The following LRP1B variants were observed in gnomAD, a reference collection of about 807,000 sequenced individuals.
The protein encoded by LRP1B is low-density lipoprotein receptor-related protein 1B.
In LRP1B, 217 loss-of-function variants were observed where a neutral mutation model predicts 556.6. The ratio of observed to expected loss-of-function variants is 0.39; its 90% CI spans 0.35 to 0.44. The LOEUF (loss-of-function observed/expected upper bound fraction) is 0.44, where lower values mean the gene tolerates loss of function less well. LRP1B is among the 20% of genes least tolerant of loss of function. The pLI, the probability that LRP1B is intolerant of heterozygous loss-of-function variation, is 1.00. For synonymous variants in LRP1B, 2,047 were observed against 1,865.8 expected (o/e 1.10, Z -2.50); for missense variants, 5,053 against 5,620.8 (o/e 0.90, Z 3.23).
intron 49 of LRP1B, among the ~76,000 whole-genome samples, chr2:140,525,359 T>A (rs990938315): frequency 1.5e-4 from 23 of 151,906 alleles, no homozygotes; most frequent in African/African-American, 5.6e-4. Context: ...TGGTTAACAG[T>A]CAGATATAAA....
intron 47 of LRP1B, among the ~76,000 whole-genome samples, chr2:140,532,375 T>TTTTG (rs1458642511): frequency 1.3e-4 from 20 of 150,902 alleles, no homozygotes; most frequent in Non-Finnish European, 2.1e-4. Context: ...CTTCTCTGTT[T>TTTTG]TTTGTTTGTT....
At chr2:141,535,261 A>G (rs1435654375) in intron 2 of LRP1B, among the ~76,000 whole-genome samples, 2 of 152,176 alleles carry the variant, frequency 1.3e-5, no homozygotes, top group African/African-American at 4.8e-5. Flanking sequence ...ATCTTCTGGA[A>G]GCAATCTATT....
intron 2 of LRP1B, among the ~76,000 whole-genome samples, chr2:141,647,018 C>T (rs895940967): frequency 6.6e-6 from 1 of 152,018 alleles, no homozygotes; most frequent in African/African-American, 2.4e-5. Context: ...CCTCCCCTTG[C>T]TATGGCTGGT....
At position 140,730,507 on chromosome 2, in the gene LRP1B, A is replaced by G. The variant is rs572256231; in HGVS notation, c.5759-13691T>C. ...TTTTTAAAACATAAAGTATAAAATT[A>G]AACAGTTATAATACTTTCTTAATAC... is the stretch of plus-strand genomic sequence containing the variant. On this transcript the variant is annotated intron_variant, in intron 35 of 90. Coordinates refer to ENST00000389484, the MANE Select transcript of LRP1B (RefSeq NM_018557.3). Among the ~76,000 whole-genome samples, 10 of 152,308 alleles carry G rather than the reference A, an allele frequency of 6.6e-5. No homozygotes were observed. The South Asian group carries it at 2.1e-3, about 32-fold the overall frequency.
intron 25 of LRP1B, among the ~76,000 whole-genome samples, chr2:140,872,450 C>T (rs1177378591): frequency 7.3e-6 from 1 of 137,348 alleles, no homozygotes; most frequent in African/African-American, 2.7e-5. Context: ...GTAGTTTAGA[C>T]ACTTAGAAAT....
chr2:140,653,124 T>C (rs1249140957), intron 41 of LRP1B, among the ~76,000 whole-genome samples: 1 of 151,982 alleles, frequency 6.6e-6, no homozygotes, highest in Admixed American at 6.6e-5. Flanking sequence ...AAAACAAACA[T>C]AGGATGCTAT....
chr2:141,210,700 A>G (rs764107868), intron 6 of LRP1B, among the ~76,000 whole-genome samples: 18 of 152,304 alleles, frequency 1.2e-4, no homozygotes, highest in Non-Finnish European at 2.1e-4. Context: ...CCAGACAGAA[A>G]ATACTAACTT....
Position 140,487,621 on chromosome 2 carries a change from A to G in LRP1B, c.9239T>C (p.Ile3080Thr). The G allele has an allele frequency of 6.2e-7, 1 of 1,608,422 alleles. No homozygotes were observed. The highest frequency in any genetic ancestry group is 8.5e-7 in the Non-Finnish European group (1 of 1,176,346). Residue 3080 changes from isoleucine (I) to threonine (T), a missense_variant, in exon 58 of 91, where the codon ATT becomes ACT. This residue lies in a region of LRP1B where 3,619 missense variants were observed against 3,931.9 expected (regional missense o/e 0.92). Coordinates refer to ENST00000389484, the MANE Select transcript of LRP1B (RefSeq NM_018557.3). The part of the protein sequence containing the change: ...INRMCLNGSD[I>T]KVVHNTAVPN... ...ATCATTGTAATATTTAGTTACCTTA[A>G]TGTCACTTCCATTTAAACACATTCT...
intron 1 of LRP1B, among the ~76,000 whole-genome samples, chr2:141,833,695 C>CAT (rs1047722822): frequency 1.3e-5 from 2 of 151,648 alleles, no homozygotes; most frequent in African/African-American, 4.8e-5. Flanking sequence ...ATGATGCTGT[C>CAT]ATATCTCCAG....
chr2:140,575,784 G>A (rs1681497791), intron 43 of LRP1B, among the ~76,000 whole-genome samples: 1 of 151,906 alleles, frequency 6.6e-6, no homozygotes, highest in African/African-American at 2.4e-5. Flanking sequence ...AATTAGCTGT[G>A]CATGGTGGTG....
At chr2:141,291,045 T>A (rs911522968) in intron 3 of LRP1B, among the ~76,000 whole-genome samples, 15 of 152,124 alleles carry the variant, frequency 9.9e-5, no homozygotes, top group African/African-American at 3.6e-4. Context: ...TAAAAAAAAT[T>A]TCTTCAAAAT....
chr2:141,788,145 C>A (rs78431152), intron 2 of LRP1B, among the ~76,000 whole-genome samples: 2 of 151,884 alleles, frequency 1.3e-5, no homozygotes, highest in African/African-American at 4.8e-5. Flanking sequence ...TGTGACAGGC[C>A]CATATTTATA....
At chr2:140,913,898 C>T (rs996272198) in intron 21 of LRP1B, among the ~76,000 whole-genome samples, 1 of 151,912 alleles carries the variant, frequency 6.6e-6, no homozygotes, top group Non-Finnish European at 1.5e-5. Context: ...GAATATTCAA[C>T]CTTATTTGTT....
At chr2:140,801,169 C>CA (rs1690496091) in intron 32 of LRP1B, among the ~76,000 whole-genome samples, 1 of 152,012 alleles carries the variant, frequency 6.6e-6, no homozygotes, top group Non-Finnish European at 1.5e-5. Context: ...AGTGTGGTCC[C>CA]AAATTATGGA....
At chr2:140,501,971 C>A in intron 54 of LRP1B, 97 bp from the exon 55 acceptor site, 1 of 789,102 alleles carries the variant, frequency 1.3e-6, no homozygotes, top group Non-Finnish European at 1.9e-6. Context: ...ACTCAGGTGT[C>A]AAAAATCATA....
At chr2:141,166,207 CCT>C (rs887797018) in intron 7 of LRP1B, among the ~76,000 whole-genome samples, 4 of 151,850 alleles carry the variant, frequency 2.6e-5, no homozygotes, top group East Asian at 1.9e-4. Context: ...TCAGATATGC[CCT>C]CTCTTTCCTT....
intron 3 of LRP1B, among the ~76,000 whole-genome samples, chr2:141,260,039 C>T (rs899106530): frequency 6.6e-6 from 1 of 151,972 alleles, no homozygotes; most frequent in Non-Finnish European, 1.5e-5. Context: ...CTCTTTTATG[C>T]TTTTATTTTT....
chr2:141,070,166 G>T (rs1046051684), intron 7 of LRP1B, among the ~76,000 whole-genome samples: 20 of 151,876 alleles, frequency 1.3e-4, no homozygotes, highest in Admixed American at 1.1e-3. Context: ...GTATTCCATG[G>T]TGTATATGTG....
At chr2:141,070,017 T>C (rs185679555) in intron 7 of LRP1B, among the ~76,000 whole-genome samples, 2,493 of 139,864 alleles carry the variant, frequency 0.018, 32 homozygotes, top group Middle Eastern at 0.031. Context: ...TGTGTTCGCA[T>C]TGTTCAATTC....
Sources: gnomAD v4.1 joint callset for allele counts (sites outside exome capture counted in the v4.1 genomes callset) on GRCh38, gnomAD v4.1.1 for gene constraint, gnomAD v4.1.1 regional missense constraint, MANE v1.5 for transcripts, NCBI Gene and HGNC (gene_info 2026-07-23, HGNC 2026-07-21) for gene names.